Variants in MAP4 observed in about 807,000 individuals in gnomAD.
MAP4 encodes microtubule associated protein 4.
Under a neutral mutation model 170.2 loss-of-function variants are expected in MAP4, and 76 were observed. That is an observed-to-expected ratio of 0.45 (90% CI 0.37 to 0.54). The LOEUF is 0.54. MAP4 is among the 20% of genes least tolerant of loss of function. The pLI is 0.00. For synonymous variants in MAP4, 909 were observed against 994.5 expected (o/e 0.91, Z 1.62); for missense variants, 2,506 against 2,748.0 (o/e 0.91, Z 1.97).
At chr3:47,914,769 A>T in intron 8 of MAP4, 48 bp downstream of exon 8, 1 of 1,611,132 alleles carries the variant, frequency 6.2e-7, no homozygotes, top group Non-Finnish European at 8.5e-7. Context: ...TCACTACTCT[A>T]TCGCCCCTAA....
At chr3:47,857,063 C>T (rs2057798985) in intron 18 of MAP4, among the ~76,000 whole-genome samples, 1 of 152,226 alleles carries the variant, frequency 6.6e-6, no homozygotes, top group Non-Finnish European at 1.5e-5. Context: ...ATAGGTGGGA[C>T]CTGAACACTG....
rs188622403 is a variant in MAP4, at chr3:48,050,001, T to C, written c.-20+38772A>G. On this transcript the variant is annotated intron_variant, in intron 1 of 18. Transcript: ENST00000360240. ...TTGGCCGGGTGCAGTGGCCCATACC[T>C]GTAATCCCAGCAATTTGGGAGGCCA... Among the ~76,000 whole-genome samples the C allele has an allele frequency of 4.2e-3, 643 of 151,700 alleles. 5 individuals carry two copies. The highest frequency in any genetic ancestry group is 0.014 in the African/African-American group (587 of 41,300).
intron 1 of MAP4, among the ~76,000 whole-genome samples, chr3:48,057,792 T>C (rs540499965): frequency 1.3e-5 from 2 of 152,294 alleles, no homozygotes; most frequent in South Asian, 4.1e-4. Flanking sequence ...TATTGTACCA[T>C]GATTCTGCAA....
At chr3:47,991,743 C>T (rs780924339) in intron 2 of MAP4, among the ~76,000 whole-genome samples, 4 of 151,860 alleles carry the variant, frequency 2.6e-5, no homozygotes, top group African/African-American at 7.3e-5. Context: ...TCTCGGCTCA[C>T]GGCAACCTCT....
chr3:48,022,317 G>C (rs1350531020), intron 1 of MAP4, among the ~76,000 whole-genome samples: 1 of 152,094 alleles, frequency 6.6e-6, no homozygotes, highest in Non-Finnish European at 1.5e-5. Context: ...AAAAAGAAAA[G>C]CAAAAAGAAG....
At chr3:47,898,971 A>C (rs2100028559) in intron 10 of MAP4, among the ~76,000 whole-genome samples, 1 of 152,088 alleles carries the variant, frequency 6.6e-6, no homozygotes, top group African/African-American at 2.4e-5. Context: ...AAAACAAAAC[A>C]ACCCACAGAA....
At chr3:48,081,304 TA>T (rs1235332944) in intron 1 of MAP4, among the ~76,000 whole-genome samples, 1 of 151,054 alleles carries the variant, frequency 6.6e-6, no homozygotes, top group Non-Finnish European at 1.5e-5. Flanking sequence ...AATAAATAAA[TA>T]AAATAAATAA....
intron 3 of MAP4, among the ~76,000 whole-genome samples, chr3:47,958,072 C>T (rs571778556): frequency 7.2e-5 from 11 of 152,194 alleles, no homozygotes; most frequent in Admixed American, 3.3e-4. Context: ...GGACTCCTTA[C>T]ACCACTGAAC....
chr3:47,969,073 C>A (rs1032571630), intron 3 of MAP4, among the ~76,000 whole-genome samples: 1 of 152,162 alleles, frequency 6.6e-6, no homozygotes, highest in Non-Finnish European at 1.5e-5. Context: ...CCAAAACTAA[C>A]ATCTGTGGCT....
rs933736304 is a variant in MAP4, at chr3:47,909,035, T to C, written c.5383+3A>G. On this transcript the variant is annotated splice_donor_region_variant and intron_variant, in intron 9 of 20. Coordinates refer to ENST00000683076, the MANE Select transcript of MAP4 (RefSeq NM_001385682.1). ...CACACATTTCCCCATGGCAGGTTCA[T>C]ACCAGCGGACTTCAGTTGCTTATGT... 1.2e-6 allele frequency: 2 copies of C among 1,611,664 alleles called. No homozygotes were observed. The highest frequency in any genetic ancestry group is 1.1e-5 in the South Asian group (1 of 90,526).
chr3:48,006,001 A>G (rs1383448652), intron 1 of MAP4, among the ~76,000 whole-genome samples: 2 of 152,346 alleles, frequency 1.3e-5, no homozygotes, highest in Non-Finnish European at 2.9e-5. Flanking sequence ...AGTCTGACTC[A>G]TGTAGAGCTC....
intron 10 of MAP4, among the ~76,000 whole-genome samples, chr3:47,897,157 C>T (rs1270707539): frequency 2.0e-5 from 3 of 152,068 alleles, no homozygotes; most frequent in South Asian, 2.1e-4. Flanking sequence ...GAGGGGGTCT[C>T]GCTTTGTTGC....
chr3:48,059,972 C>CAAAA (rs5848847), intron 1 of MAP4, among the ~76,000 whole-genome samples: 3 of 138,834 alleles, frequency 2.2e-5, no homozygotes. Context: ...GACTCTGTCT[C>CAAAA]AAAAAAAAAA....
At chr3:47,961,560 G>A (rs758036863) in intron 3 of MAP4, among the ~76,000 whole-genome samples, 7 of 152,204 alleles carry the variant, frequency 4.6e-5, no homozygotes, top group Non-Finnish European at 7.3e-5. Flanking sequence ...GGCTATGCAA[G>A]TAATCAATAT....
chr3:47,921,392 G>C (rs1162539013), intron 5 of MAP4, among the ~76,000 whole-genome samples: 7 of 150,406 alleles, frequency 4.7e-5, no homozygotes, highest in Non-Finnish European at 1.0e-4. Context: ...GCTATTATTA[G>C]CCTGGAGATG....
At chr3:47,941,627 C>CAA (rs796623845) in intron 3 of MAP4, among the ~76,000 whole-genome samples, 5,177 of 126,766 alleles carry the variant, frequency 0.041, 305 homozygotes, top group African/African-American at 0.13. Context: ...AAAACAAAAA[C>CAA]AAAAAAAAAA....
chr3:47,891,616 C>T lies in MAP4; in HGVS notation c.5434+11334G>A, dbSNP rs958536557. 5.9e-6 allele frequency: 9 copies of T among 1,535,840 alleles called. No homozygotes were observed. In the African/African-American group the frequency reaches 1.1e-4, roughly 19 times the overall value. ...GGGCCCTGCGCACTGCCTTTTTCTG[C>T]TGGGGGGCTTGGTTGAGCACAGCCT... On this transcript the variant is annotated intron_variant, in intron 10 of 20. Transcript: ENST00000683076.
chr3:47,947,678 G>A (rs948675759), intron 3 of MAP4, among the ~76,000 whole-genome samples: 1 of 151,778 alleles, frequency 6.6e-6, no homozygotes, highest in Non-Finnish European at 1.5e-5. Context: ...AGGCGTGGTG[G>A]TGGGCGCCTG....
rs768392790 is a variant in MAP4 at position 47,918,860 on chromosome 3, C to G, written c.530-19G>C. On this transcript the variant is annotated intron_variant, in intron 5 of 20. Coordinates refer to ENST00000683076, the MANE Select transcript of MAP4 (RefSeq NM_001385682.1). ...GACATACCTAATATTGAAACACAAACAAATACATTTTGAAACTTAGTAAAC... is the reference window on the plus strand; with the variant it reads ...GACATACCTAATATTGAAACACAAAGAAATACATTTTGAAACTTAGTAAAC... 2.5e-6 allele frequency: 4 copies of G among 1,599,710 alleles called. No homozygotes were observed. The African/African-American group carries it at 4.0e-5, about 16-fold the overall frequency.
Sources: gnomAD v4.1 joint callset for allele counts (sites outside exome capture counted in the v4.1 genomes callset) on GRCh38, gnomAD v4.1.1 for gene constraint, MANE v1.5 for transcripts, NCBI Gene and HGNC (gene_info 2026-07-23, HGNC 2026-07-21) for gene names.